The following CREBRF variants were observed in gnomAD, a reference collection of about 807,000 sequenced individuals.
CREBRF encodes the protein UPF0474 protein C5orf41.
CREBRF carries 5 observed loss-of-function variants against 66.1 expected under a neutral mutation model. That is an observed-to-expected ratio of 0.08 (90% CI 0.04 to 0.16). The LOEUF is 0.16. Ranked by LOEUF, CREBRF falls within the 10% of genes least tolerant of loss-of-function variation. The pLI is 1.00. For synonymous variants in CREBRF, 229 were observed against 264.4 expected, an observed-to-expected ratio of 0.87 and a Z score of 1.30; for missense variants, 531 against 744.9, an observed-to-expected ratio of 0.71 and a Z score of 3.34.
chr5:173,132,445 CCCCTCCCCCCCTCCCCT>C (rs1165968686), intron 8 of CREBRF, among the ~76,000 whole-genome samples: 2 of 152 alleles, frequency 0.013, no homozygotes, highest in African/African-American at 0.042. Flanking sequence ...CCCCTCCCCT[CCCCTCCCCCCCTCCCCT>C]CCCCTCCCCT....
rs367883257 is a variant in CREBRF, at chr5:173,127,338, C to T, written c.1804+4136C>T. ...CTAATTTTTGTATTTTTAATGGAGA[C>T]GGGGTTTCACCACCTTGGCCAGGAT... On this transcript the variant is annotated intron_variant, in intron 8 of 8. Transcript: ENST00000296953. Among the ~76,000 whole-genome samples, 59 of 151,634 alleles carry T rather than the reference C, an allele frequency of 3.9e-4. 2 individuals carry two copies. In the East Asian group the frequency reaches 8.4e-3, roughly 21 times the overall value.
intron 1 of CREBRF, among the ~76,000 whole-genome samples, chr5:173,067,062 C>G (rs969762255): frequency 1.4e-4 from 21 of 152,050 alleles, no homozygotes; most frequent in Admixed American, 4.6e-4. Context: ...GTCCTCCTGC[C>G]TTAGCCTCCC....
intron 1 of CREBRF, among the ~76,000 whole-genome samples, chr5:173,064,559 ATTTTT>A (rs1217486982): frequency 9.3e-6 from 1 of 107,646 alleles, no homozygotes; most frequent in African/African-American, 3.7e-5. Flanking sequence ...CACCTGGTTA[ATTTTT>A]TTTTTTTTTT....
At chr5:173,124,919 C>CTTTTT (rs373993898) in intron 8 of CREBRF, among the ~76,000 whole-genome samples, 1 of 112,798 alleles carries the variant, frequency 8.9e-6, no homozygotes, top group Non-Finnish European at 1.8e-5. Context: ...TCTTCTTCTT[C>CTTTTT]TTTTTTTTTT....
intron 7 of CREBRF, among the ~76,000 whole-genome samples, chr5:173,112,651 T>A (rs1055066516): frequency 7.9e-5 from 12 of 152,194 alleles, no homozygotes; most frequent in African/African-American, 2.9e-4. Context: ...TTGTTTATTT[T>A]TTTCTATAAA....
At chr5:173,076,914 T>A (rs1351588166) in intron 1 of CREBRF, among the ~76,000 whole-genome samples, 1 of 151,498 alleles carries the variant, frequency 6.6e-6, no homozygotes, top group Non-Finnish European at 1.5e-5. Flanking sequence ...TAGACCATAG[T>A]ATATTAACTA....
At chr5:173,073,073 A>C (rs1049188116) in intron 1 of CREBRF, among the ~76,000 whole-genome samples, 1 of 152,248 alleles carries the variant, frequency 6.6e-6, no homozygotes, top group Non-Finnish European at 1.5e-5. Context: ...GAATGTGAAC[A>C]TGGAGATATC....
intron 5 of CREBRF, chr5:173,110,036 A>G (rs1758837637): frequency 4.7e-6 from 1 of 212,054 alleles, no homozygotes; most frequent in Non-Finnish European, 9.6e-6. Context: ...AAACAAGGTT[A>G]TGCTTACTTG....
chr5:173,057,981 G>A (rs972239457), intron 1 of CREBRF, among the ~76,000 whole-genome samples: 3 of 151,806 alleles, frequency 2.0e-5, no homozygotes, highest in Non-Finnish European at 4.4e-5. Context: ...AAGGTTCTTT[G>A]GGACTTTTCT....
At chr5:173,059,868 T>G (rs914238186) in intron 1 of CREBRF, among the ~76,000 whole-genome samples, 4 of 152,198 alleles carry the variant, frequency 2.6e-5, no homozygotes, top group African/African-American at 9.7e-5. Flanking sequence ...TAGAAGAGGC[T>G]AAATAGCTCC....
chr5:173,077,695 C>T (rs567874622), intron 1 of CREBRF, among the ~76,000 whole-genome samples: 4 of 152,132 alleles, frequency 2.6e-5, no homozygotes, highest in African/African-American at 9.6e-5. Flanking sequence ...CCCCCAGCCT[C>T]CAGAACACTT....
At chr5:173,124,860 CGTCT>C (rs1411013032) in intron 8 of CREBRF, among the ~76,000 whole-genome samples, 1 of 150,078 alleles carries the variant, frequency 6.7e-6, no homozygotes, top group Non-Finnish European at 1.5e-5. Context: ...CTTTAGTATT[CGTCT>C]GTCTTTCTTT....
At chr5:173,092,109 A>G (rs1369435151) in intron 4 of CREBRF, 1 of 816,582 alleles carries the variant, frequency 1.2e-6, no homozygotes, top group Non-Finnish European at 1.5e-6. Flanking sequence ...ATAAATAAAA[A>G]TATTACTGTT....
Position 173,080,582 on chromosome 5 carries a change from C to T in CREBRF, c.-191-3C>T. ...AGTGAAGTTACTTTGTGTTGTTTGA[C>T]AGACAGCATCGCACAGAATTATTTT... On this transcript the variant is annotated splice_region_variant and splice_polypyrimidine_tract_variant and intron_variant, in intron 1 of 8. Transcript: ENST00000296953. 3.6e-6 allele frequency: 2 copies of T among 551,620 alleles called. No individual in the cohort carries two copies. 34.2% of individuals were successfully genotyped at this position (551,620 alleles called of 1,614,324 possible).
intron 4 of CREBRF, among the ~76,000 whole-genome samples, chr5:173,106,909 C>G (rs1173920344): frequency 6.6e-6 from 1 of 152,046 alleles, no homozygotes; most frequent in Non-Finnish European, 1.5e-5. Flanking sequence ...ACCACCATGC[C>G]CGGCTAATTT....
At chr5:173,085,850 A>G (rs572429711) in intron 2 of CREBRF, 113 of 793,692 alleles carry the variant, frequency 1.4e-4, no homozygotes, top group South Asian at 9.9e-4. Flanking sequence ...AAGTTTCTCA[A>G]TAGTAGAGGG....
chr5:173,091,277 T>G lies in CREBRF; in HGVS notation c.1098T>G (p.Asp366Glu). Residue 366 changes from aspartate to glutamate, a missense_variant, in exon 4 of 9, where the codon GAT becomes GAG. By Grantham distance (45) the Asp-to-Glu change is conservative. Coordinates refer to ENST00000296953, the MANE Select transcript of CREBRF (RefSeq NM_153607.3). ...AGGAGGACGAGGAGGATGTTGATGA[T>G]GAGGACCATGATGAAGGATTCGGCA... Reference protein sequence around the residue: ...EDEEDEEDVDDEDHDEGFGSE... With the variant: ...EDEEDEEDVDEEDHDEGFGSE... 6.2e-7 allele frequency: 1 copy of G among 1,613,706 alleles called. No homozygotes were observed. Among genetic ancestry groups the G allele is most frequent in the Non-Finnish European group, 8.5e-7 (1 of 1,179,808 alleles).
chr5:173,130,589 A>G (rs571331675), intron 8 of CREBRF, among the ~76,000 whole-genome samples: 13 of 151,600 alleles, frequency 8.6e-5, no homozygotes, highest in South Asian at 4.2e-4. Context: ...CAGTGGTGCT[A>G]TCATAGCTCA....
intron 1 of CREBRF, among the ~76,000 whole-genome samples, chr5:173,073,094 A>T (rs1250554476): frequency 6.6e-6 from 1 of 152,242 alleles, no homozygotes; most frequent in Non-Finnish European, 1.5e-5. Flanking sequence ...CACATCTCAG[A>T]TGATAGAGCT....
Sources: gnomAD v4.1 joint callset for allele counts (sites outside exome capture counted in the v4.1 genomes callset) on GRCh38, gnomAD v4.1.1 for gene constraint, MANE v1.5 for transcripts, NCBI Gene and HGNC (gene_info 2026-07-23, HGNC 2026-07-21) for gene names.